The following SPAG16 variants were observed in gnomAD, a reference collection of about 807,000 sequenced individuals.
The protein encoded by SPAG16 is sperm associated antigen 16, also known as sperm-associated antigen 16 protein.
In SPAG16, 86 loss-of-function variants were observed where a neutral mutation model predicts 80.4. The observed-to-expected ratio is 1.07, with a 90% CI of 0.90 to 1.28. SPAG16 has a LOEUF of 1.28. Ranked by LOEUF, SPAG16 falls within the 50% of genes most tolerant of loss-of-function variation. The pLI, the probability that SPAG16 is intolerant of heterozygous loss-of-function variation, is 0.00. For synonymous variants in SPAG16, 294 were observed against 265.9 expected, an observed-to-expected ratio of 1.11 and a Z score of -1.03; for missense variants, 870 against 765.3, an observed-to-expected ratio of 1.14 and a Z score of -1.61.
intron 15 of SPAG16, among the ~76,000 whole-genome samples, chr2:214,199,525 C>T (rs976533919): frequency 3.7e-5 from 5 of 133,992 alleles, no homozygotes; most frequent in African/African-American, 4.9e-5. Context: ...AATTTGAAGT[C>T]GGGTAATGTG....
rs142364749 is a variant in SPAG16, at chr2:213,517,473, T to A, written c.1070+27383T>A. On this transcript the variant is annotated intron_variant, in intron 10 of 15. Transcript: ENST00000331683. ...AGAAAAAGCTATCCTAAAATTCATA[T>A]GGAACCAAAGAAGAGCCTGAATATT... Among the ~76,000 whole-genome samples, 40 of 152,276 alleles carry A rather than the reference T, an allele frequency of 2.6e-4. No individual in the cohort carries two copies. The East Asian group carries it at 7.1e-3, about 27-fold the overall frequency.
chr2:213,830,190 G>A (rs777623328), intron 10 of SPAG16, among the ~76,000 whole-genome samples: 1 of 152,178 alleles, frequency 6.6e-6, no homozygotes, highest in Non-Finnish European at 1.5e-5. Flanking sequence ...CAACCAGTGG[G>A]ATGGCAATTT....
intron 9 of SPAG16, among the ~76,000 whole-genome samples, chr2:213,433,935 T>C (rs74870309): frequency 7.7e-6 from 1 of 129,992 alleles, no homozygotes; most frequent in Non-Finnish European, 1.8e-5. Context: ...TTTTTTTTTT[T>C]TTGAGACATT....
At position 214,121,727 on chromosome 2, in the gene SPAG16, T is replaced by C. The variant is rs560343450; in HGVS notation, c.1593+13466T>C. On this transcript the variant is annotated intron_variant, in intron 14 of 15. Coordinates refer to ENST00000331683, the MANE Select transcript of SPAG16 (RefSeq NM_024532.5). ...AAAACATGACACCGTAAGGTGAAAATTCAACACCTGACACCTTTGCTTTTT... is the reference window on the plus strand; with the variant it reads ...AAAACATGACACCGTAAGGTGAAAACTCAACACCTGACACCTTTGCTTTTT... Among the ~76,000 whole-genome samples the C allele has an allele frequency of 9.9e-5, 15 of 151,914 alleles. No individual in the cohort carries two copies. In the South Asian group the frequency reaches 2.9e-3, roughly 29 times the overall value.
chr2:213,906,419 A>G (rs1362879512), intron 11 of SPAG16, among the ~76,000 whole-genome samples: 1 of 152,194 alleles, frequency 6.6e-6, no homozygotes, highest in African/African-American at 2.4e-5. Context: ...AAGAATTAAT[A>G]TTGTTAAAAT....
At chr2:213,899,795 C>T (rs2106118085) in intron 11 of SPAG16, among the ~76,000 whole-genome samples, 2 of 152,162 alleles carry the variant, frequency 1.3e-5, no homozygotes, top group Middle Eastern at 6.8e-3. Context: ...ATATTGAATG[C>T]TTCTTCTCAA....
At chr2:214,006,549 G>C (rs1416725154) in intron 12 of SPAG16, among the ~76,000 whole-genome samples, 1 of 152,150 alleles carries the variant, frequency 6.6e-6, no homozygotes, top group African/African-American at 2.4e-5. Context: ...AGTTAAGAAA[G>C]AGCTATTGCT....
At chr2:214,190,102 A>T (rs1428410683) in intron 15 of SPAG16, among the ~76,000 whole-genome samples, 3 of 151,954 alleles carry the variant, frequency 2.0e-5, no homozygotes. Context: ...GCATATAGAC[A>T]TATGTAGCCA....
At chr2:213,375,263 G>A (rs1428391709) in intron 9 of SPAG16, 144 bp downstream of exon 9, 1 of 544,764 alleles carries the variant, frequency 1.8e-6, no homozygotes, top group South Asian at 3.2e-5. Context: ...CATGGACAGT[G>A]GAGGTATCCA....
At chr2:214,040,521 T>C (rs2048950486) in intron 13 of SPAG16, among the ~76,000 whole-genome samples, 2 of 152,192 alleles carry the variant, frequency 1.3e-5, no homozygotes, top group Admixed American at 1.3e-4. Context: ...CTCCCACTTA[T>C]AAGTGAGAAC....
chr2:214,230,330 A>G, intron 15 of SPAG16, among the ~76,000 whole-genome samples: 1 of 151,952 alleles, frequency 6.6e-6, no homozygotes, highest in East Asian at 1.9e-4. Context: ...AGTCCACAAA[A>G]ATGCTCATTT....
intron 15 of SPAG16, among the ~76,000 whole-genome samples, chr2:214,197,943 C>A (rs1024494924): frequency 2.0e-5 from 3 of 151,904 alleles, no homozygotes; most frequent in African/African-American, 7.3e-5. Context: ...GCCCAATTTG[C>A]TATTGACTTT....
chr2:213,467,894 G>A (rs2072792470), intron 9 of SPAG16, among the ~76,000 whole-genome samples: 1 of 152,224 alleles, frequency 6.6e-6, no homozygotes. Flanking sequence ...GTTATCAGGT[G>A]CATCTCAGGG....
At chr2:213,517,904 T>G (rs2075500609) in intron 10 of SPAG16, among the ~76,000 whole-genome samples, 1 of 152,150 alleles carries the variant, frequency 6.6e-6, no homozygotes, top group South Asian at 2.1e-4. Context: ...GGCAAAGATT[T>G]TTGGACTAAG....
chr2:213,740,620 C>T (rs2125452675), intron 10 of SPAG16, among the ~76,000 whole-genome samples: 1 of 152,332 alleles, frequency 6.6e-6, no homozygotes, highest in East Asian at 1.9e-4. Context: ...AGCAAGGCAT[C>T]ATATGCCACA....
intron 10 of SPAG16, among the ~76,000 whole-genome samples, chr2:213,555,800 G>T (rs2059405696): frequency 1.3e-5 from 2 of 152,052 alleles, no homozygotes; most frequent in South Asian, 4.1e-4. Context: ...ATCAAATTCA[G>T]AATACTCTAA....
At chr2:213,768,581 A>G (rs1053246220) in intron 10 of SPAG16, among the ~76,000 whole-genome samples, 5 of 152,200 alleles carry the variant, frequency 3.3e-5, no homozygotes, top group Non-Finnish European at 2.9e-5. Context: ...AATTTGGACA[A>G]CTAGTTGGAA....
At chr2:213,476,708 A>G (rs974470270) in intron 9 of SPAG16, among the ~76,000 whole-genome samples, 1 of 151,970 alleles carries the variant, frequency 6.6e-6, no homozygotes, top group African/African-American at 2.4e-5. Context: ...TGGCTTCTTC[A>G]CTCCCATAGC....
chr2:214,310,227 T>G (rs1431779482), intron 15 of SPAG16, among the ~76,000 whole-genome samples: 1 of 151,846 alleles, frequency 6.6e-6, no homozygotes, highest in Non-Finnish European at 1.5e-5. Context: ...TTTCCTCCCT[T>G]GAAGGTGTGA....
Sources: gnomAD v4.1 joint callset for allele counts (sites outside exome capture counted in the v4.1 genomes callset) on GRCh38, gnomAD v4.1.1 for gene constraint, MANE v1.5 for transcripts, NCBI Gene and HGNC (gene_info 2026-07-23, HGNC 2026-07-21) for gene names.